Variants in ROBO1 observed in about 807,000 individuals in gnomAD.
The protein encoded by ROBO1 is roundabout guidance receptor 1.
Under a neutral mutation model 195.9 loss-of-function variants are expected in ROBO1, and 149 were observed. That is an observed-to-expected ratio of 0.76 (90% CI 0.67 to 0.87). The LOEUF is 0.87. Ranked by LOEUF, ROBO1 falls within the 40% of genes least tolerant of loss-of-function variation. The probability of loss-of-function intolerance (pLI) is 0.00; values close to 1 mark genes in which losing one functional copy is unlikely to be tolerated. For synonymous variants in ROBO1, 816 were observed against 733.2 expected, an observed-to-expected ratio of 1.11 and a Z score of -1.82; for missense variants, 1,933 against 2,068.3, an observed-to-expected ratio of 0.93 and a Z score of 1.27.
At chr3:78,899,964 G>A (rs1040923008) in intron 4 of ROBO1, among the ~76,000 whole-genome samples, 3 of 152,154 alleles carry the variant, frequency 2.0e-5, no homozygotes, top group Admixed American at 6.5e-5. Flanking sequence ...AGGATTTCTT[G>A]TCCACAAATA....
At chr3:79,087,225 G>A (rs1252731518) in intron 3 of ROBO1, among the ~76,000 whole-genome samples, 1 of 151,942 alleles carries the variant, frequency 6.6e-6, no homozygotes, top group East Asian at 1.9e-4. Flanking sequence ...TTAAAAAACA[G>A]TCAAAGGATT....
intron 5 of ROBO1, among the ~76,000 whole-genome samples, chr3:78,733,369 A>C (rs2082323668): frequency 6.6e-6 from 1 of 152,090 alleles, no homozygotes; most frequent in Admixed American, 6.6e-5. Context: ...ATATCTTGTA[A>C]AATCAAATGC....
intron 4 of ROBO1, among the ~76,000 whole-genome samples, chr3:78,887,781 A>C (rs1415241467): frequency 6.6e-6 from 1 of 152,108 alleles, no homozygotes; most frequent in Non-Finnish European, 1.5e-5. Context: ...GTTGCTTGAG[A>C]TCTGAATAAA....
At chr3:79,504,831 A>C (rs1214854615) in intron 2 of ROBO1, among the ~76,000 whole-genome samples, 1 of 152,082 alleles carries the variant, frequency 6.6e-6, no homozygotes, top group Non-Finnish European at 1.5e-5. Flanking sequence ...GAGAAGCCAT[A>C]GTTGGGCATA....
At chr3:78,978,700 T>G (rs2076932716) in intron 3 of ROBO1, among the ~76,000 whole-genome samples, 1 of 152,094 alleles carries the variant, frequency 6.6e-6, no homozygotes, top group South Asian at 2.1e-4. Context: ...TTCTGCACGA[T>G]TAAAAGGAAG....
At chr3:79,409,360 T>A (rs921487439) in intron 2 of ROBO1, among the ~76,000 whole-genome samples, 2 of 152,184 alleles carry the variant, frequency 1.3e-5, no homozygotes, top group Admixed American at 1.3e-4. Flanking sequence ...TTGATATTTT[T>A]TGGAAATTAA....
At chr3:79,590,924 G>A (rs1943979895) in intron 1 of ROBO1, among the ~76,000 whole-genome samples, 1 of 151,644 alleles carries the variant, frequency 6.6e-6, no homozygotes, top group South Asian at 2.1e-4. Flanking sequence ...GTTGGGGTTT[G>A]CCAGAATGTA....
chr3:79,513,254 A>G (rs765776564), intron 2 of ROBO1, among the ~76,000 whole-genome samples: 5 of 152,144 alleles, frequency 3.3e-5, no homozygotes, highest in South Asian at 4.1e-4. Flanking sequence ...AATGTAATAT[A>G]TTCTATCATA....
At chr3:79,580,729 C>T (rs114929436) in intron 2 of ROBO1, among the ~76,000 whole-genome samples, 3,446 of 152,004 alleles carry the variant, frequency 0.023, 149 homozygotes, top group African/African-American at 0.078. Context: ...TATGTATTTA[C>T]GTAAGTATGT....
At chr3:79,097,419 G>C (rs1164403960) in intron 3 of ROBO1, among the ~76,000 whole-genome samples, 1 of 151,742 alleles carries the variant, frequency 6.6e-6, no homozygotes. Flanking sequence ...AGTGTGCTTT[G>C]TTTCAAGTAA....
chr3:78,973,529 T>C lies in ROBO1; in HGVS notation c.173-34602A>G, dbSNP rs559664854. On this transcript the variant is annotated intron_variant, in intron 3 of 30. Transcript: ENST00000464233. ...TATATTATATATATAAGAAGCTATA[T>C]ATAATATATATAAGAATATATATAA... is the stretch of plus-strand genomic sequence containing the variant. Among the ~76,000 whole-genome samples, 5 of 144,870 alleles carry C rather than the reference T, an allele frequency of 3.5e-5. No individual in the cohort carries two copies. In the East Asian group the frequency reaches 5.9e-4, roughly 17 times the overall value.
intron 2 of ROBO1, among the ~76,000 whole-genome samples, chr3:79,427,826 A>T (rs2106994808): frequency 6.6e-6 from 1 of 152,184 alleles, no homozygotes; most frequent in South Asian, 2.1e-4. Context: ...AACACTTCAA[A>T]CTATGAAACT....
At chr3:79,162,400 T>G (rs2080985132) in intron 2 of ROBO1, among the ~76,000 whole-genome samples, 1 of 152,144 alleles carries the variant, frequency 6.6e-6, no homozygotes, top group Non-Finnish European at 1.5e-5. Context: ...CTACATGTGG[T>G]AAGGAAATAT....
intron 2 of ROBO1, among the ~76,000 whole-genome samples, chr3:79,575,559 T>C (rs1182219256): frequency 1.5e-5 from 2 of 137,718 alleles, no homozygotes; most frequent in African/African-American, 5.3e-5. Context: ...ATATAACAAA[T>C]ATATATAAAT....
intron 1 of ROBO1, among the ~76,000 whole-genome samples, chr3:79,759,084 A>G (rs925025912): frequency 1.4e-5 from 2 of 146,954 alleles, no homozygotes; most frequent in Admixed American, 1.4e-4. Context: ...CCCAATATTT[A>G]AATAATCCAA....
intron 2 of ROBO1, among the ~76,000 whole-genome samples, chr3:79,318,122 T>A (rs2033820764): frequency 1.3e-5 from 2 of 152,166 alleles, no homozygotes; most frequent in Non-Finnish European, 2.9e-5. Flanking sequence ...AATGATTGGA[T>A]GAGGACCACC....
At chr3:79,378,950 A>G (rs927563099) in intron 2 of ROBO1, among the ~76,000 whole-genome samples, 6 of 152,230 alleles carry the variant, frequency 3.9e-5, no homozygotes, top group African/African-American at 1.2e-4. Context: ...AGCGAGTTTA[A>G]TAGTGCCTTT....
chr3:78,964,852 TTTTTTTA>T (rs1463456381), intron 3 of ROBO1, among the ~76,000 whole-genome samples: 1 of 151,534 alleles, frequency 6.6e-6, no homozygotes, highest in East Asian at 1.9e-4. Context: ...GAAACCTTTT[TTTTTTTA>T]TTTTTGTAGA....
chr3:79,272,014 C>T (rs1043936029), intron 2 of ROBO1, among the ~76,000 whole-genome samples: 3 of 151,946 alleles, frequency 2.0e-5, no homozygotes, highest in South Asian at 2.1e-4. Flanking sequence ...GGTGGTTGTA[C>T]TCCTTTCTAA....
Sources: allele counts gnomAD v4.1 joint callset (sites outside exome capture counted in the v4.1 genomes callset), GRCh38; gene constraint gnomAD v4.1.1; transcripts MANE v1.5; gene names NCBI Gene and HGNC (gene_info 2026-07-23, HGNC 2026-07-21).